Variants in EML1 observed in about 807,000 individuals in gnomAD.
EML1 encodes echinoderm microtubule-associated protein-like 1.
EML1 carries 27 observed loss-of-function variants against 110.4 expected under a neutral mutation model. The observed-to-expected ratio is 0.24, with a 90% CI of 0.18 to 0.34. The LOEUF (loss-of-function observed/expected upper bound fraction) is 0.34. EML1 is among the 10% of genes least tolerant of loss of function. EML1 has a pLI of 1.00. For synonymous variants in EML1, 344 were observed against 385.8 expected (o/e 0.89, Z 1.27); for missense variants, 741 against 1,030.9 (o/e 0.72, Z 3.85).
Position 99,747,512 on chromosome 14 carries a change from T to C in EML1, c.28+9652T>C, listed in dbSNP as rs189607782. On this transcript the variant is annotated intron_variant, in intron 1 of 10. Transcript: ENST00000554479. ...GTTGCCCAGTTGGGGGGTGGCATGT[T>C]GGGTAGACAGTGGAGAAGGGTGGAT... Among the ~76,000 whole-genome samples, 755 of 152,210 alleles carry C rather than the reference T, an allele frequency of 5.0e-3. 16 individuals carry two copies. The highest frequency in any genetic ancestry group is 3.1e-3 in the Non-Finnish European group (214 of 67,994).
Position 99,741,378 on chromosome 14 carries a change from G to A in EML1, c.28+3518G>A, listed in dbSNP as rs552218411. The stretch of plus-strand genomic sequence containing the variant: ...GCGTGTGCTGGGAAGTTGTTCCCCC[G>A]TCTTTATCACCTCCCCCAATGCCCT... On this transcript the variant is annotated intron_variant, in intron 1 of 10. Coordinates refer to the EML1 transcript ENST00000554479. Among the ~76,000 whole-genome samples, 134 of 152,100 alleles carry A rather than the reference G, an allele frequency of 8.8e-4. 1 individual carries two copies. Among genetic ancestry groups the A allele is most frequent in the African/African-American group, 3.1e-3 (128 of 41,504 alleles).
At chr14:99,825,474 T>C (rs556827956) in intron 1 of EML1, among the ~76,000 whole-genome samples, 1 of 152,170 alleles carries the variant, frequency 6.6e-6, no homozygotes, top group African/African-American at 2.4e-5. Flanking sequence ...ATCAAGCTAC[T>C]GCCCGAGATC....
chr14:99,876,258 C>T (rs566051579), intron 3 of EML1, among the ~76,000 whole-genome samples: 4 of 152,216 alleles, frequency 2.6e-5, no homozygotes, highest in East Asian at 3.9e-4. Flanking sequence ...GGAGGGAGGA[C>T]GTTGAGCTTC....
chr14:99,905,453 G>C lies in EML1; in HGVS notation c.1009-2185G>C, dbSNP rs891425173. Among the ~76,000 whole-genome samples the C allele has an allele frequency of 6.6e-6, 1 of 152,172 alleles. No homozygotes were observed. The highest frequency in any genetic ancestry group is 2.4e-5 in the African/African-American group (1 of 41,428). ...AGAAAAGCATTCCCTGTGGCAGGGC[G>C]GGGAAGGTGAAGAGCTCAGGGAGGC... On this transcript the variant is annotated intron_variant, in intron 9 of 21. Transcript: ENST00000262233. This position sits in a 1 kb window ranked among gnomAD's most constrained non-coding sequence, Gnocchi z 4.1.
intron 1 of EML1, among the ~76,000 whole-genome samples, chr14:99,794,768 G>A (rs772042082): frequency 6.6e-6 from 1 of 152,082 alleles, no homozygotes; most frequent in Non-Finnish European, 1.5e-5. Context: ...TGAATTTAAC[G>A]CCAGTTTCCA....
intron 1 of EML1, among the ~76,000 whole-genome samples, chr14:99,845,918 C>T (rs1030101156): frequency 1.3e-5 from 2 of 151,758 alleles, no homozygotes; most frequent in African/African-American, 4.8e-5. Context: ...GCGTTGGTGG[C>T]AGGTGCCTGT....
intron 3 of EML1, among the ~76,000 whole-genome samples, chr14:99,871,271 A>G (rs1317198281): frequency 3.3e-5 from 5 of 151,766 alleles, no homozygotes; most frequent in African/African-American, 7.3e-5. Context: ...ATTTGCTGCC[A>G]TTGATAGTGA....
chr14:99,868,074 A>G (rs777685945), intron 3 of EML1, among the ~76,000 whole-genome samples: 13 of 152,166 alleles, frequency 8.5e-5, no homozygotes, highest in Non-Finnish European at 1.5e-4. Context: ...AGTTGAAATG[A>G]TCATGTGGTT....
intron 1 of EML1, among the ~76,000 whole-genome samples, chr14:99,807,193 G>A (rs546147925): frequency 3.9e-5 from 6 of 152,302 alleles, no homozygotes; most frequent in East Asian, 1.9e-4. Context: ...GCATTCTTTC[G>A]TGATCCTCTG....
At chr14:99,789,456 AC>A (rs889244148), upstream of EML1, among the ~76,000 whole-genome samples, 1 of 152,130 alleles carries the variant, frequency 6.6e-6, no homozygotes, top group Non-Finnish European at 1.5e-5. Context: ...TGATCCACCC[AC>A]CTCGGCTTCC....
Position 99,793,505 on chromosome 14 carries a change from G to A in EML1, c.29G>A (p.Ser10Asn). The A allele has an allele frequency of 9.5e-7, 1 of 1,052,864 alleles. No individual in the cohort carries two copies. The highest frequency in any genetic ancestry group is 1.2e-6 in the Non-Finnish European group (1 of 868,922). 65.2% of individuals were successfully genotyped at this position (1,052,864 alleles called of 1,614,324 possible). Residue 10 changes from serine to asparagine, a missense_variant, in exon 1 of 22, where the codon AGC becomes AAC. Ser to Asn is a conservative substitution (Grantham distance 46, BLOSUM62 1). Coordinates refer to ENST00000262233, the MANE Select transcript of EML1 (RefSeq NM_004434.3). ...GAGGACGGCTTCTCCAGCTACAGCA[G>A]CCTGTACGACACGTCCTCGCTGCTC... is the stretch of plus-strand genomic sequence containing the variant. MEDGFSSYS[S>N]LYDTSSLLQF...
chr14:99,780,591 A>G (rs1176982322), intron 1 of EML1, among the ~76,000 whole-genome samples: 1 of 152,174 alleles, frequency 6.6e-6, no homozygotes, highest in East Asian at 1.9e-4. Context: ...GCCAACAAGG[A>G]TGTTTATGTT....
Position 99,939,883 on chromosome 14 carries a change from G to A in EML1, c.2323-104G>A. The A allele has an allele frequency of 2.2e-6, 3 of 1,372,868 alleles. No homozygotes were observed. Among genetic ancestry groups the A allele is most frequent in the South Asian group, 1.8e-5 (1 of 57,120 alleles). 85.0% of individuals were successfully genotyped at this position (1,372,868 alleles called of 1,614,324 possible). A position where few individuals can be genotyped will look rare whatever the true frequency, so the allele number is the denominator to read the frequency against. On this transcript the variant is annotated intron_variant, in intron 21 of 21. Coordinates refer to ENST00000262233, the MANE Select transcript of EML1 (RefSeq NM_004434.3). This position sits in a 1 kb window ranked among gnomAD's most constrained non-coding sequence, Gnocchi z 4.2. ...CCAAGTGAGAGCTGCCGAGCGGAGG[G>A]CGAGTAAAGGAATTAAGGCATGCAG...
At chr14:99,861,927 C>T (rs2059009534) in intron 2 of EML1, among the ~76,000 whole-genome samples, 1 of 152,194 alleles carries the variant, frequency 6.6e-6, no homozygotes, top group African/African-American at 2.4e-5. Context: ...TTTGTCACAA[C>T]TAATGGATCA....
intron 2 of EML1, among the ~76,000 whole-genome samples, chr14:99,858,407 A>G (rs913937835): frequency 6.6e-6 from 1 of 151,620 alleles, no homozygotes; most frequent in African/African-American, 2.4e-5. Context: ...CTGGTCGTGA[A>G]CTCCCAGCCT....
upstream of EML1, among the ~76,000 whole-genome samples, chr14:99,789,619 G>A (rs115189167): frequency 9.1e-3 from 1,383 of 152,254 alleles, 24 homozygotes; most frequent in African/African-American, 0.031. Flanking sequence ...CCAAGCATAG[G>A]GCCTGGCACT....
intron 3 of EML1, among the ~76,000 whole-genome samples, chr14:99,872,498 T>C (rs1030567566): frequency 6.6e-6 from 1 of 152,210 alleles, no homozygotes; most frequent in Non-Finnish European, 1.5e-5. Context: ...TCTAATAAGC[T>C]ATTGTCAGCA....
chr14:99,870,651 A>C (rs548631821), intron 3 of EML1, among the ~76,000 whole-genome samples: 2 of 152,302 alleles, frequency 1.3e-5, no homozygotes, highest in East Asian at 1.9e-4. Context: ...TATCATTCCA[A>C]AAATCCTAGG....
chr14:99,809,426 C>T (rs967088146), intron 1 of EML1: 4 of 322,702 alleles, frequency 1.2e-5, no homozygotes, highest in Non-Finnish European at 2.4e-5. Flanking sequence ...TTTGCAGTAG[C>T]GCATACTTAC....
Sources: gnomAD v4.1 joint callset for allele counts (sites outside exome capture counted in the v4.1 genomes callset) on GRCh38, gnomAD v4.1.1 for gene constraint, Gnocchi (gnomAD v3.1) non-coding constraint, MANE v1.5 for transcripts, NCBI Gene and HGNC (gene_info 2026-07-23, HGNC 2026-07-21) for gene names.